The following ATRNL1 variants were observed in gnomAD, a reference collection of about 807,000 sequenced individuals.
The protein encoded by ATRNL1 is attractin-like protein 1.
Under a neutral mutation model 182.7 loss-of-function variants are expected in ATRNL1, and 95 were observed. That is an observed-to-expected ratio of 0.52 (90% CI 0.44 to 0.62). The LOEUF is 0.62. Among genes scored for constraint, ATRNL1 ranks in the 20% least tolerant of loss-of-function variants. The pLI is 0.00. For synonymous variants in ATRNL1, 576 were observed against 568.3 expected, an observed-to-expected ratio of 1.01 and a Z score of -0.19; for missense variants, 1,471 against 1,679.5, an observed-to-expected ratio of 0.88 and a Z score of 2.17.
intron 26 of ATRNL1, among the ~76,000 whole-genome samples, chr10:115,573,077 A>G (rs931181336): frequency 5.3e-5 from 8 of 152,190 alleles, no homozygotes; most frequent in Admixed American, 3.3e-4. Context: ...TTGCAAGGGT[A>G]AAGAACCAGT....
At chr10:115,534,979 T>C (rs1207266327) in intron 25 of ATRNL1, among the ~76,000 whole-genome samples, 2 of 152,206 alleles carry the variant, frequency 1.3e-5, no homozygotes, top group Non-Finnish European at 2.9e-5. Flanking sequence ...AGAGATCCGC[T>C]GTTAGTCTGA....
At chr10:115,551,507 C>T (rs918594071) in intron 26 of ATRNL1, among the ~76,000 whole-genome samples, 5 of 151,298 alleles carry the variant, frequency 3.3e-5, no homozygotes, top group Admixed American at 2.6e-4. Context: ...ATATAATGCC[C>T]TTCTTTCCAA....
chr10:115,625,147 T>C (rs973439541), intron 26 of ATRNL1, among the ~76,000 whole-genome samples: 4 of 152,180 alleles, frequency 2.6e-5, no homozygotes, highest in African/African-American at 9.6e-5. Context: ...TTTGATACTT[T>C]ACAGTGTTAG....
rs80146922 is a variant in ATRNL1 at position 115,788,518 on chromosome 10, A to G, written c.3904-59359A>G. Among the ~76,000 whole-genome samples, 996 of 152,306 alleles carry G rather than the reference A, an allele frequency of 6.5e-3. 10 individuals carry two copies. Among genetic ancestry groups the G allele is most frequent in the African/African-American group, 0.022 (935 of 41,568 alleles). ...TAACTGTTCTCTCAAATGGCTAATT[A>G]TATTTCTAGTTGCCTACTTGAAGGT... is the stretch of plus-strand genomic sequence containing the variant. On this transcript the variant is annotated intron_variant, in intron 27 of 28. Coordinates refer to ENST00000355044, the MANE Select transcript of ATRNL1 (RefSeq NM_207303.4).
At chr10:115,564,672 A>G (rs1555001022) in intron 26 of ATRNL1, among the ~76,000 whole-genome samples, 3 of 152,022 alleles carry the variant, frequency 2.0e-5, no homozygotes, top group African/African-American at 4.8e-5. Context: ...TCAGAGTTCA[A>G]CATTGCCACC....
chr10:115,836,530 C>G (rs1478992914), intron 27 of ATRNL1, among the ~76,000 whole-genome samples: 1 of 152,158 alleles, frequency 6.6e-6, no homozygotes, highest in Admixed American at 6.5e-5. Context: ...TGCACCTCCC[C>G]TCGCTTCTGG....
At chr10:115,172,415 CTG>C (rs1431691603) in intron 8 of ATRNL1, among the ~76,000 whole-genome samples, 2 of 151,978 alleles carry the variant, frequency 1.3e-5, no homozygotes, top group Admixed American at 6.6e-5. Flanking sequence ...CTTACTGTCA[CTG>C]TGTCCAGAAT....
intron 26 of ATRNL1, among the ~76,000 whole-genome samples, chr10:115,601,879 A>T (rs142198869): frequency 1.3e-3 from 198 of 151,854 alleles, no homozygotes; most frequent in African/African-American, 4.7e-3. Context: ...TATCTATACT[A>T]TGTGTCTCCC....
intron 28 of ATRNL1, among the ~76,000 whole-genome samples, chr10:115,914,160 G>A (rs1225935877): frequency 6.6e-6 from 1 of 152,170 alleles, no homozygotes; most frequent in Non-Finnish European, 1.5e-5. Flanking sequence ...AGAAGAACGT[G>A]TTTGCTTCCC....
chr10:115,880,418 G>A (rs1379959172), intron 28 of ATRNL1, among the ~76,000 whole-genome samples: 8 of 152,236 alleles, frequency 5.3e-5, no homozygotes, highest in African/African-American at 1.9e-4. Flanking sequence ...GGGGTCAGGA[G>A]TTCGAGACCA....
At chr10:115,839,987 A>G (rs1950766191) in intron 27 of ATRNL1, among the ~76,000 whole-genome samples, 1 of 152,184 alleles carries the variant, frequency 6.6e-6, no homozygotes, top group South Asian at 2.1e-4. Flanking sequence ...TTTTGTTTAT[A>G]ACTTTGAGAT....
chr10:115,888,794 T>C (rs1424748738), intron 28 of ATRNL1, among the ~76,000 whole-genome samples: 3 of 152,200 alleles, frequency 2.0e-5, no homozygotes, highest in Non-Finnish European at 4.4e-5. Context: ...CTTCATCTTA[T>C]CAGGCCATTT....
At chr10:115,824,791 C>T (rs146571850) in intron 27 of ATRNL1, among the ~76,000 whole-genome samples, 47 of 152,216 alleles carry the variant, frequency 3.1e-4, no homozygotes, top group African/African-American at 1.1e-3. Context: ...AAAATAGGAG[C>T]GCTTGTACAC....
At chr10:115,316,254 C>T (rs1554929651) in intron 18 of ATRNL1, among the ~76,000 whole-genome samples, 1 of 152,176 alleles carries the variant, frequency 6.6e-6, no homozygotes, top group Non-Finnish European at 1.5e-5. Flanking sequence ...TGATGGCTTC[C>T]AGCTTCATCC....
At chr10:115,887,149 T>C (rs1435448166) in intron 28 of ATRNL1, among the ~76,000 whole-genome samples, 2 of 152,146 alleles carry the variant, frequency 1.3e-5, no homozygotes, top group African/African-American at 2.4e-5. Context: ...GATCCCTAGG[T>C]GATACGATTG....
At chr10:115,272,678 A>G (rs1456873122) in intron 13 of ATRNL1, among the ~76,000 whole-genome samples, 3 of 152,198 alleles carry the variant, frequency 2.0e-5, no homozygotes, top group African/African-American at 4.8e-5. Flanking sequence ...TTGGATGCTG[A>G]CTCAGAGCTT....
chr10:115,381,900 C>CT (rs1564980204), intron 19 of ATRNL1, among the ~76,000 whole-genome samples: 1 of 151,800 alleles, frequency 6.6e-6, no homozygotes, highest in Admixed American at 6.6e-5. Flanking sequence ...GAGTCCAAGT[C>CT]TATTTTTTTT....
intron 27 of ATRNL1, among the ~76,000 whole-genome samples, chr10:115,777,257 C>T (rs1949149959): frequency 6.6e-6 from 1 of 152,038 alleles, no homozygotes; most frequent in South Asian, 2.1e-4. Context: ...ACCTAGTAAA[C>T]ATTCAAAAAG....
intron 25 of ATRNL1, among the ~76,000 whole-genome samples, chr10:115,527,116 C>CT (rs35691625): frequency 5.4e-4 from 64 of 118,678 alleles, no homozygotes; most frequent in African/African-American, 5.8e-4. Flanking sequence ...CAGAGAGGCA[C>CT]TTTTTTTTTT....
Sources: allele counts gnomAD v4.1 joint callset (sites outside exome capture counted in the v4.1 genomes callset), GRCh38; gene constraint gnomAD v4.1.1; transcripts MANE v1.5; gene names NCBI Gene and HGNC (gene_info 2026-07-23, HGNC 2026-07-21).